Variants in DYM observed in about 807,000 individuals in gnomAD.
The protein encoded by DYM is dymeclin.
A neutral mutation model predicts 93.1 loss-of-function variants in DYM; 78 were observed. The observed-to-expected ratio is 0.84, with a 90% CI of 0.70 to 1.01. The LOEUF (loss-of-function observed/expected upper bound fraction) is 1.01. Among genes scored for constraint, DYM ranks in the 50% least tolerant of loss-of-function variants. DYM has a pLI of 0.00. For synonymous variants in DYM, 321 were observed against 319.7 expected, an observed-to-expected ratio of 1.00 and a Z score of -0.04; for missense variants, 789 against 845.0, an observed-to-expected ratio of 0.93 and a Z score of 0.82.
intron 17 of DYM, among the ~76,000 whole-genome samples, chr18:49,051,873 G>A (rs528369476): frequency 1.2e-4 from 19 of 152,318 alleles, no homozygotes; most frequent in South Asian, 8.3e-4. Context: ...CTGAAAGAGC[G>A]GGTAGAGAGA....
Position 49,044,124 on chromosome 18 carries a change from G to C in DYM, c.2106C>G (p.Val702=), listed in dbSNP as rs776194216. 2.5e-6 allele frequency: 4 copies of C among 1,614,160 alleles called. No individual in the cohort carries two copies. The highest frequency in any genetic ancestry group is 3.4e-6 in the Non-Finnish European group (4 of 1,180,024). Residue 702 remains valine, a synonymous_variant, in exon 18 of 18, where the codon GTC becomes GTG. Transcript: ENST00000675505. ...EFFIPYVWSL[V]YNSAVGLYWN... is the part of the protein sequence containing the mutation. ...AGTACAGGCCGACTGCTGAGTTGTA[G>C]ACAAGAGACCAGACATAGGGGATAA... is the stretch of plus-strand genomic sequence containing the variant.
intron 6 of DYM, among the ~76,000 whole-genome samples, chr18:49,352,508 G>T (rs1454978699): frequency 6.6e-6 from 1 of 152,158 alleles, no homozygotes; most frequent in East Asian, 1.9e-4. Flanking sequence ...CTTGCCAAGT[G>T]GTTGCCAGGG....
intron 6 of DYM, among the ~76,000 whole-genome samples, chr18:49,361,874 C>T (rs896013926): frequency 5.3e-5 from 8 of 151,998 alleles, no homozygotes; most frequent in Non-Finnish European, 1.2e-4. Flanking sequence ...TACAGGCATG[C>T]GCCACCACGC....
At chr18:49,056,689 C>T (rs1055329103) in intron 17 of DYM, among the ~76,000 whole-genome samples, 1 of 150,452 alleles carries the variant, frequency 6.6e-6, no homozygotes, top group Non-Finnish European at 1.5e-5. Flanking sequence ...AGGCGCATGC[C>T]ACCACAACTG....
chr18:49,217,004 G>GA (rs1166062351), intron 13 of DYM, among the ~76,000 whole-genome samples: 5 of 152,078 alleles, frequency 3.3e-5, no homozygotes. Flanking sequence ...TAAATACTTC[G>GA]AAAAAAATTT....
chr18:49,268,623 TAC>T (rs1228661745), intron 11 of DYM, among the ~76,000 whole-genome samples: 2 of 152,202 alleles, frequency 1.3e-5, no homozygotes, highest in Non-Finnish European at 2.9e-5. Context: ...TTTGTGTGGT[TAC>T]AGTTACTTTT....
At chr18:49,426,021 T>C (rs966856050) in intron 2 of DYM, among the ~76,000 whole-genome samples, 1 of 152,140 alleles carries the variant, frequency 6.6e-6, no homozygotes, top group African/African-American at 2.4e-5. Flanking sequence ...AGAAATACCA[T>C]TTGACCCAGA....
intron 6 of DYM, among the ~76,000 whole-genome samples, chr18:49,347,486 G>A (rs9956750): frequency 0.025 from 3,855 of 152,244 alleles, 151 homozygotes; most frequent in African/African-American, 0.087. Flanking sequence ...AGCAGTATAT[G>A]CTGCAGGAGT....
At chr18:49,253,230 A>C (rs1276837511) in intron 13 of DYM, among the ~76,000 whole-genome samples, 1 of 152,236 alleles carries the variant, frequency 6.6e-6, no homozygotes, top group Non-Finnish European at 1.5e-5. Flanking sequence ...GGATTTAGGA[A>C]TCATGTATAT....
intron 8 of DYM, among the ~76,000 whole-genome samples, chr18:49,308,308 A>G (rs1307497771): frequency 1.4e-5 from 2 of 141,316 alleles, no homozygotes; most frequent in Non-Finnish European, 3.1e-5. Context: ...ATATATATAT[A>G]TGTATATCTT....
chr18:49,397,666 A>C (rs749863992), intron 2 of DYM, among the ~76,000 whole-genome samples: 2 of 152,208 alleles, frequency 1.3e-5, no homozygotes, highest in African/African-American at 4.8e-5. Context: ...TTGACAAGAA[A>C]ATTTTAGAAA....
intron 1 of DYM, among the ~76,000 whole-genome samples, chr18:49,452,082 T>C (rs76948854): frequency 9.2e-5 from 14 of 152,182 alleles, no homozygotes; most frequent in African/African-American, 2.2e-4. Flanking sequence ...CTTGGTCTCA[T>C]TGACTTCAAG....
intron 15 of DYM, among the ~76,000 whole-genome samples, chr18:49,144,819 G>A (rs1206558682): frequency 6.6e-6 from 1 of 151,896 alleles, no homozygotes; most frequent in Non-Finnish European, 1.5e-5. Flanking sequence ...CCTGGGCCAG[G>A]CACATCAGGG....
At chr18:49,288,008 T>G (rs2059777506) in intron 8 of DYM, among the ~76,000 whole-genome samples, 1 of 152,192 alleles carries the variant, frequency 6.6e-6, no homozygotes. Context: ...ATCTCACTAA[T>G]ATTTTATGCT....
At chr18:49,109,722 A>G (rs1186553628) in intron 16 of DYM, among the ~76,000 whole-genome samples, 1 of 152,224 alleles carries the variant, frequency 6.6e-6, no homozygotes, top group African/African-American at 2.4e-5. Flanking sequence ...AATTATGTTA[A>G]AGGACAGAAC....
chr18:49,419,221 G>A (rs1417030617), intron 2 of DYM, among the ~76,000 whole-genome samples: 9 of 152,146 alleles, frequency 5.9e-5, no homozygotes, highest in Admixed American at 3.3e-4. Flanking sequence ...TTAGCCAGGC[G>A]TGATGGCAGG....
intron 1 of DYM, among the ~76,000 whole-genome samples, chr18:49,438,324 T>C (rs1018178936): frequency 6.6e-6 from 1 of 152,142 alleles, no homozygotes; most frequent in Non-Finnish European, 1.5e-5. Flanking sequence ...AAGAGTACAG[T>C]GCCTCCTTCC....
intron 3 of DYM, among the ~76,000 whole-genome samples, chr18:49,389,339 G>GATAT (rs1168073601): frequency 6.6e-6 from 1 of 151,684 alleles, no homozygotes. Flanking sequence ...TGTGGTGGAT[G>GATAT]ATATATATAT....
intron 6 of DYM, among the ~76,000 whole-genome samples, chr18:49,356,015 C>T (rs937382542): frequency 2.6e-5 from 4 of 152,062 alleles, no homozygotes; most frequent in African/African-American, 2.4e-5. Context: ...GTCTCCAAAC[C>T]ATGTGCATAC....
Sources: gnomAD v4.1 joint callset for allele counts (sites outside exome capture counted in the v4.1 genomes callset) on GRCh38, gnomAD v4.1.1 for gene constraint, MANE v1.5 for transcripts, NCBI Gene and HGNC (gene_info 2026-07-23, HGNC 2026-07-21) for gene names.